The following AFF3 variants were observed in gnomAD, a reference collection of about 807,000 sequenced individuals.
The protein encoded by AFF3 is AF4/FMR2 family member 3.
In AFF3, 32 loss-of-function variants were observed where a neutral mutation model predicts 129.7. The observed-to-expected ratio is 0.25, with a 90% confidence interval of 0.19 to 0.33. AFF3 has a LOEUF of 0.33. AFF3 is among the 10% of genes least tolerant of loss of function. AFF3 has a pLI of 1.00. For missense variants in AFF3, 1,373 were observed against 1,592.0 expected (o/e 0.86, Z 2.34); for synonymous variants, 644 against 635.4 (o/e 1.01, Z -0.20).
intron 11 of AFF3, among the ~76,000 whole-genome samples, chr2:99,674,203 C>G (rs1413872382): frequency 6.6e-6 from 1 of 152,186 alleles, no homozygotes; most frequent in East Asian, 1.9e-4. Flanking sequence ...TCAGCAGAGG[C>G]TGTAAAGCGG....
At chr2:99,585,690 G>T (rs967110327) in intron 16 of AFF3, among the ~76,000 whole-genome samples, 18 of 152,172 alleles carry the variant, frequency 1.2e-4, no homozygotes, top group African/African-American at 4.3e-4. Context: ...CAACACTTGA[G>T]ACCGTGTCAC....
At chr2:99,765,691 A>G (rs1378226403) in intron 8 of AFF3, among the ~76,000 whole-genome samples, 1 of 152,226 alleles carries the variant, frequency 6.6e-6, no homozygotes, top group Admixed American at 6.5e-5. Flanking sequence ...ACTAGTGTTG[A>G]CAGCTTCTGG....
At chr2:100,066,004 GA>G (rs1687691857) in intron 4 of AFF3, among the ~76,000 whole-genome samples, 1 of 152,132 alleles carries the variant, frequency 6.6e-6, no homozygotes, top group East Asian at 1.9e-4. Context: ...AGTTAAGCAA[GA>G]AAAGAAATGA....
intron 2 of AFF3, among the ~76,000 whole-genome samples, chr2:100,120,420 C>T (rs1420303484): frequency 2.0e-5 from 3 of 152,118 alleles, no homozygotes; most frequent in Non-Finnish European, 4.4e-5. Context: ...GGTTGCCTTG[C>T]CTTCTTAGGA....
At chr2:99,623,246 C>T (rs564585735) in intron 13 of AFF3, among the ~76,000 whole-genome samples, 1 of 151,784 alleles carries the variant, frequency 6.6e-6, no homozygotes, top group African/African-American at 2.4e-5. Context: ...CCAGGACCTG[C>T]CACATCATTT....
At chr2:99,608,415 C>T (rs531712977) in intron 13 of AFF3, among the ~76,000 whole-genome samples, 9 of 152,290 alleles carry the variant, frequency 5.9e-5, no homozygotes, top group Middle Eastern at 3.4e-3. Flanking sequence ...TTGGAATCAT[C>T]TAATTTATCC....
chr2:100,011,340 C>G (rs1682531740), intron 4 of AFF3, among the ~76,000 whole-genome samples: 1 of 152,170 alleles, frequency 6.6e-6, no homozygotes, highest in South Asian at 2.1e-4. Flanking sequence ...AGCAGGGACT[C>G]CCACACACAT....
At chr2:100,022,553 G>A (rs995774938) in intron 4 of AFF3, among the ~76,000 whole-genome samples, 2 of 152,060 alleles carry the variant, frequency 1.3e-5, no homozygotes, top group Non-Finnish European at 2.9e-5. Context: ...TGGGATTACA[G>A]GCATGCGCCA....
intron 7 of AFF3, among the ~76,000 whole-genome samples, chr2:99,991,216 T>C (rs569458810): frequency 2.0e-5 from 3 of 152,312 alleles, no homozygotes; most frequent in African/African-American, 7.2e-5. Flanking sequence ...GAGGGCCAGA[T>C]CTCTTCTGAA....
At chr2:99,973,344 A>G (rs2104442954) in intron 7 of AFF3, among the ~76,000 whole-genome samples, 1 of 152,368 alleles carries the variant, frequency 6.6e-6, no homozygotes, top group East Asian at 1.9e-4. Context: ...CAGAGACCTC[A>G]GGACTTCTAC....
intron 4 of AFF3, among the ~76,000 whole-genome samples, chr2:100,071,046 A>C (rs957633466): frequency 1.3e-5 from 2 of 152,190 alleles, no homozygotes; most frequent in Non-Finnish European, 1.5e-5. Context: ...ATAATACTGT[A>C]GCTAAATACT....
Position 100,058,983 on chromosome 2 carries a change from T to C in AFF3, c.53+45419A>G, listed in dbSNP as rs577549487. 8.5e-5 allele frequency among the ~76,000 whole-genome samples: 13 copies of C among 152,216 alleles called. No individual in the cohort carries two copies. The South Asian group carries it at 2.5e-3, about 29-fold the overall frequency. On this transcript the variant is annotated intron_variant, in intron 4 of 24. Transcript: ENST00000672756. ...AGCAAACATTCTTGGCCAGGTGCAA[T>C]GGCTCATGCATGTAATCCCAGCACT... is the stretch of plus-strand genomic sequence containing the variant.
chr2:100,140,819 T>C (rs1303458379), intron 1 of AFF3, among the ~76,000 whole-genome samples: 1 of 152,166 alleles, frequency 6.6e-6, no homozygotes, highest in Non-Finnish European at 1.5e-5. Flanking sequence ...TCCTGCTCAC[T>C]ACTTGTCTGT....
intron 7 of AFF3, among the ~76,000 whole-genome samples, chr2:99,979,588 C>T (rs1037736905): frequency 6.6e-6 from 1 of 151,944 alleles, no homozygotes; most frequent in African/African-American, 2.4e-5. Flanking sequence ...AAGTGATCCT[C>T]CTGTTTCAGC....
intron 2 of AFF3, among the ~76,000 whole-genome samples, chr2:100,122,583 A>G (rs543031671): frequency 6.6e-6 from 1 of 152,344 alleles, no homozygotes; most frequent in African/African-American, 2.4e-5. Context: ...TAAAAACTGA[A>G]CATATGAGAC....
At chr2:99,863,842 C>T (rs1402701383) in intron 7 of AFF3, among the ~76,000 whole-genome samples, 3 of 152,154 alleles carry the variant, frequency 2.0e-5, no homozygotes, top group Non-Finnish European at 4.4e-5. Context: ...ATGCATATGC[C>T]ACAAAGATGT....
intron 8 of AFF3, among the ~76,000 whole-genome samples, chr2:99,769,536 G>T (rs1050750513): frequency 1.3e-5 from 2 of 152,146 alleles, no homozygotes; most frequent in Non-Finnish European, 2.9e-5. Context: ...CTGTTTTCCT[G>T]GATGATGTTG....
intron 13 of AFF3, among the ~76,000 whole-genome samples, chr2:99,608,835 A>G (rs1680632252): frequency 1.3e-5 from 2 of 152,240 alleles, no homozygotes; most frequent in South Asian, 4.1e-4. Context: ...TTAACAATGA[A>G]AAGTTTCATT....
chr2:99,632,583 A>G (rs1455271910), intron 13 of AFF3, among the ~76,000 whole-genome samples: 1 of 152,122 alleles, frequency 6.6e-6, no homozygotes, highest in Non-Finnish European at 1.5e-5. Context: ...CCAGAGCGCC[A>G]GGCTTCGTTG....
Sources: allele counts gnomAD v4.1 joint callset (sites outside exome capture counted in the v4.1 genomes callset), GRCh38; gene constraint gnomAD v4.1.1; transcripts MANE v1.5; gene names NCBI Gene and HGNC (gene_info 2026-07-23, HGNC 2026-07-21).